The following ZNF385D variants were observed in gnomAD, a reference collection of about 807,000 sequenced individuals.
ZNF385D encodes the protein zinc finger protein 385D.
Under a neutral mutation model 35.8 loss-of-function variants are expected in ZNF385D, and 15 were observed. The observed-to-expected ratio is 0.42, with a 90% CI of 0.28 to 0.64. The LOEUF (loss-of-function observed/expected upper bound fraction) is 0.64, where lower values mean the gene tolerates loss of function less well. Ranked by LOEUF, ZNF385D falls within the 30% of genes least tolerant of loss-of-function variation. ZNF385D has a pLI of 0.23. For missense variants in ZNF385D, 474 were observed against 494.6 expected (o/e 0.96, Z 0.39); for synonymous variants, 212 against 186.8 (o/e 1.13, Z -1.10).
intron 2 of ZNF385D, among the ~76,000 whole-genome samples, chr3:22,177,453 T>C (rs1403691641): frequency 6.6e-6 from 1 of 152,172 alleles, no homozygotes; most frequent in Admixed American, 6.6e-5. Flanking sequence ...ATGACAAATA[T>C]ATGTTAAGTA....
chr3:22,334,695 T>C lies in ZNF385D; in HGVS notation c.106+37755A>G, dbSNP rs566958714. Among the ~76,000 whole-genome samples, 456 of 152,288 alleles carry C rather than the reference T, an allele frequency of 3.0e-3. 3 individuals carry two copies. Among genetic ancestry groups the C allele is most frequent in the African/African-American group, 9.1e-3 (378 of 41,564 alleles). The stretch of plus-strand genomic sequence containing the variant: ...TTGTTTCAGATTTCATTGTTTTTGT[T>C]GAGAAGTGGACATTTTACCCTACTT... On this transcript the variant is annotated intron_variant, in intron 2 of 5. Transcript: ENST00000494108.
At chr3:22,090,551 G>C (rs893999683) in intron 3 of ZNF385D, among the ~76,000 whole-genome samples, 1 of 152,014 alleles carries the variant, frequency 6.6e-6, no homozygotes, top group Non-Finnish European at 1.5e-5. Flanking sequence ...CTAAGGGTCA[G>C]AGAGCCACCA....
At position 22,003,550 on chromosome 3, in the gene ZNF385D, GT is replaced by G. The variant is rs1695992609; in HGVS notation, c.325+165266del. Among the ~76,000 whole-genome samples, 4 of 152,010 alleles carry G rather than the reference GT, an allele frequency of 2.6e-5. No individual in the cohort carries two copies. The South Asian group carries it at 8.3e-4, about 32-fold the overall frequency. ...CAATCTTTTTCAAAATATCAATAAT[GT>G]TTTTTACAGAAATGAAAAAAATACC... On this transcript the variant is annotated intron_variant, in intron 3 of 5. Transcript: ENST00000494108.
chr3:21,548,081 G>A (rs369461748), intron 3 of ZNF385D, among the ~76,000 whole-genome samples: 2 of 152,084 alleles, frequency 1.3e-5, no homozygotes, highest in African/African-American at 4.8e-5. Context: ...GGTGGGAAGC[G>A]CTCTAACAGG....
intron 1 of ZNF385D, among the ~76,000 whole-genome samples, chr3:21,667,757 T>C (rs2066450906): frequency 1.3e-5 from 2 of 152,190 alleles, no homozygotes; most frequent in African/African-American, 4.8e-5. Flanking sequence ...AAGCTGATTT[T>C]TTATCTAGCA....
intron 3 of ZNF385D, among the ~76,000 whole-genome samples, chr3:22,008,360 C>CTTTTTTTTTTTTTT (rs67145956): frequency 1.5e-5 from 2 of 131,938 alleles, no homozygotes; most frequent in South Asian, 2.4e-4. Flanking sequence ...CCATGATTTT[C>CTTTTTTTTTTTTTT]TTTTTTTTTT....
chr3:22,204,300 A>G lies in ZNF385D; in HGVS notation c.107-35265T>C, dbSNP rs1201153898. 5.3e-5 allele frequency among the ~76,000 whole-genome samples: 8 copies of G among 152,098 alleles called. No homozygotes were observed. In the South Asian group the frequency reaches 1.7e-3, roughly 32 times the overall value. On this transcript the variant is annotated intron_variant, in intron 2 of 5. Coordinates refer to the ZNF385D transcript ENST00000494108. ...ACAGCTTTACAGGGCCTGGGGTGCCACCTAATGCAGATAACAGCTGTAGTG... is the reference window on the plus strand; with the variant it reads ...ACAGCTTTACAGGGCCTGGGGTGCCGCCTAATGCAGATAACAGCTGTAGTG...
intron 2 of ZNF385D, among the ~76,000 whole-genome samples, chr3:22,296,728 A>G (rs999404191): frequency 3.3e-5 from 5 of 152,096 alleles, no homozygotes; most frequent in African/African-American, 7.2e-5. Context: ...GCTGACATAG[A>G]AACCTCCATG....
chr3:22,371,616 A>G (rs1455360384), intron 2 of ZNF385D, among the ~76,000 whole-genome samples: 1 of 152,180 alleles, frequency 6.6e-6, no homozygotes, highest in African/African-American at 2.4e-5. Flanking sequence ...ACCATTTTGG[A>G]GGCTGCAGGT....
At chr3:22,043,844 T>C (rs1478039129) in intron 3 of ZNF385D, among the ~76,000 whole-genome samples, 9 of 152,098 alleles carry the variant, frequency 5.9e-5, no homozygotes, top group Admixed American at 5.9e-4. Flanking sequence ...TGACTCTACT[T>C]GCATGCTTGC....
chr3:21,944,590 T>C (rs1701684274), intron 3 of ZNF385D, among the ~76,000 whole-genome samples: 1 of 152,190 alleles, frequency 6.6e-6, no homozygotes, highest in Non-Finnish European at 1.5e-5. Context: ...TTAAGCACTG[T>C]TAATCTGCAG....
intron 3 of ZNF385D, among the ~76,000 whole-genome samples, chr3:21,820,128 T>A (rs1339989503): frequency 2.0e-5 from 3 of 151,696 alleles, no homozygotes; most frequent in African/African-American, 7.2e-5. Flanking sequence ...TAATGGACAT[T>A]TTCATTACAC....
chr3:22,065,059 ATAAGTCCT>A, intron 3 of ZNF385D, among the ~76,000 whole-genome samples: 1 of 152,330 alleles, frequency 6.6e-6, no homozygotes, highest in African/African-American at 2.4e-5. Context: ...CCCACTAGCT[ATAAGTCCT>A]TAAACAAATT....
At chr3:21,601,182 T>C (rs17009119) in intron 2 of ZNF385D, among the ~76,000 whole-genome samples, 3,155 of 152,320 alleles carry the variant, frequency 0.021, 55 homozygotes, top group South Asian at 0.055. Context: ...GTTGAATCCA[T>C]ATACTCCACT....
At chr3:21,695,841 G>A (rs1355834400) in intron 1 of ZNF385D, among the ~76,000 whole-genome samples, 1 of 151,862 alleles carries the variant, frequency 6.6e-6, no homozygotes, top group East Asian at 1.9e-4. Context: ...GCTGCTACCT[G>A]TTGTTACAGT....
intron 3 of ZNF385D, among the ~76,000 whole-genome samples, chr3:21,796,563 A>T (rs994434148): frequency 4.0e-5 from 6 of 151,854 alleles, no homozygotes; most frequent in Non-Finnish European, 8.8e-5. Context: ...ATTTTTTTTT[A>T]AAAAGGAATC....
intron 3 of ZNF385D, among the ~76,000 whole-genome samples, chr3:21,811,372 T>C (rs746179865): frequency 4.6e-5 from 7 of 152,182 alleles, no homozygotes; most frequent in East Asian, 1.9e-4. Flanking sequence ...GACCAGAATA[T>C]AGGAAGCAAG....
intron 3 of ZNF385D, among the ~76,000 whole-genome samples, chr3:22,075,965 C>A (rs944110477): frequency 6.6e-6 from 1 of 151,894 alleles, no homozygotes; most frequent in Admixed American, 6.6e-5. Flanking sequence ...TTCTTTAATT[C>A]CCCATGCCCA....
chr3:21,955,214 A>T (rs899139538), intron 3 of ZNF385D, among the ~76,000 whole-genome samples: 8 of 152,282 alleles, frequency 5.3e-5, no homozygotes, highest in South Asian at 2.1e-4. Flanking sequence ...CACTATAGGC[A>T]ACTGACTGCT....
Sources: gnomAD v4.1 joint callset for allele counts (sites outside exome capture counted in the v4.1 genomes callset) on GRCh38, gnomAD v4.1.1 for gene constraint, MANE v1.5 for transcripts, NCBI Gene and HGNC (gene_info 2026-07-23, HGNC 2026-07-21) for gene names.